Variants in NPHP1 observed in about 807,000 individuals in gnomAD.
The protein encoded by NPHP1 is nephrocystin-1.
In NPHP1, 70 loss-of-function variants were observed where a neutral mutation model predicts 90.4. The ratio of observed to expected loss-of-function variants is 0.77; its 90% CI spans 0.64 to 0.95. The LOEUF (loss-of-function observed/expected upper bound fraction) is 0.95. Ranked by LOEUF, NPHP1 falls within the 40% of genes least tolerant of loss-of-function variation. NPHP1 has a pLI of 0.00. For missense variants in NPHP1, 764 were observed against 795.9 expected (o/e 0.96, Z 0.48); for synonymous variants, 256 against 271.7 (o/e 0.94, Z 0.57).
At chr2:110,189,207 T>C (rs905388889) in intron 2 of NPHP1, among the ~76,000 whole-genome samples, 2 of 152,082 alleles carry the variant, frequency 1.3e-5, no homozygotes, top group African/African-American at 4.8e-5. Flanking sequence ...GTGTCCAGAA[T>C]TGGTGGGTTC....
intron 11 of NPHP1, 64 bp from the exon 12 acceptor site, chr2:110,150,320 G>T: frequency 6.8e-7 from 1 of 1,461,126 alleles, no homozygotes; most frequent in Non-Finnish European, 9.6e-7. Flanking sequence ...CCATTTCCAT[G>T]TCCCAAAGAG....
At chr2:110,138,028 A>C (rs1680339598) in intron 16 of NPHP1, among the ~76,000 whole-genome samples, 1 of 151,960 alleles carries the variant, frequency 6.6e-6, no homozygotes, top group East Asian at 1.9e-4. Context: ...CTTTGTAGGG[A>C]CATGGATGAA....
chr2:110,127,329 C>T (rs1679441198), intron 18 of NPHP1: 1 of 152,068 alleles, frequency 6.6e-6, no homozygotes, highest in African/African-American at 2.4e-5. Context: ...CTGTGCTAAC[C>T]ACCACAGCAC....
In NPHP1 at chr2:110,161,622, C is replaced by A; in HGVS notation, c.935G>T (p.Trp312Leu). The change falls in exon 10 of 20, where the codon TGG becomes TTG. Residue 312 changes from tryptophan to leucine, a missense_variant. Transcript: ENST00000445609. Reference protein sequence around the residue: ...PSQLAFRDLMWDATEGTIRSR... With the variant: ...PSQLAFRDLMLDATEGTIRSR... ...ACTTACAGTGCCTTCTGTAGCATCC[C>A]ACATCAGATCTCTGAAGGCCAGTTG... 3.1e-6 allele frequency: 5 copies of A among 1,610,066 alleles called. No homozygotes were observed. The highest frequency in any genetic ancestry group is 4.2e-6 in the Non-Finnish European group (5 of 1,176,548).
intron 2 of NPHP1, among the ~76,000 whole-genome samples, chr2:110,182,433 CCT>C (rs1683970244): frequency 1.3e-5 from 2 of 151,856 alleles, no homozygotes; most frequent in Admixed American, 1.3e-4. Flanking sequence ...TAACAGCATA[CCT>C]CTCAGTGGAA....
chr2:110,130,840 C>T (rs1679724301), intron 17 of NPHP1, among the ~76,000 whole-genome samples: 1 of 152,170 alleles, frequency 6.6e-6, no homozygotes, highest in South Asian at 2.1e-4. Flanking sequence ...TTTCCTTACC[C>T]TACACATTAA....
intron 1 of NPHP1, among the ~76,000 whole-genome samples, chr2:110,204,446 G>C (rs143838238): frequency 4.2e-4 from 64 of 152,036 alleles, no homozygotes; most frequent in Admixed American, 7.8e-4. Context: ...CACCTATTTC[G>C]CTTGAGTTCA....
rs935956138 is a variant in NPHP1, at chr2:110,167,285, T to C, written c.624+1167A>G. Among the ~76,000 whole-genome samples the C allele has an allele frequency of 2.6e-5, 4 of 151,990 alleles. No individual in the cohort carries two copies. The South Asian group carries it at 8.3e-4, about 32-fold the overall frequency. ...AATTCTAGGTGGGCACCTAAACAGC[T>C]TCAGGAAGGGGACAGGTTACCAGAA... On this transcript the variant is annotated intron_variant, in intron 6 of 19. Transcript: ENST00000445609.
intron 19 of NPHP1, chr2:110,125,158 C>T: frequency 1.3e-6 from 2 of 1,516,128 alleles, no homozygotes; most frequent in South Asian, 1.3e-5. Flanking sequence ...TTTGCCAAAT[C>T]CTGGATGAGA....
At chr2:110,172,430 A>C (rs1330861598) in intron 4 of NPHP1, among the ~76,000 whole-genome samples, 1 of 151,842 alleles carries the variant, frequency 6.6e-6, no homozygotes, top group African/African-American at 2.4e-5. Flanking sequence ...CTGGCCCCTA[A>C]AGTTGGATGT....
At position 110,137,899 on chromosome 2, in the gene NPHP1, A is replaced by C. The variant is rs535317929; in HGVS notation, c.1529+5643T>G. On this transcript the variant is annotated intron_variant, in intron 16 of 19. Transcript: ENST00000445609. ...ACGTATGTTTATTGCGGCACTATTCACAATAGCAAAGACTTGGAACCAACC... is the reference window on the plus strand; with the variant it reads ...ACGTATGTTTATTGCGGCACTATTCCCAATAGCAAAGACTTGGAACCAACC... 1.8e-4 allele frequency among the ~76,000 whole-genome samples: 27 copies of C among 151,172 alleles called. No homozygotes were observed. The East Asian group carries it at 5.0e-3, about 28-fold the overall frequency.
intron 2 of NPHP1, among the ~76,000 whole-genome samples, chr2:110,191,533 C>T (rs1360797061): frequency 6.6e-6 from 1 of 152,182 alleles, no homozygotes; most frequent in African/African-American, 2.4e-5. Context: ...GTGGAGCCCA[C>T]CGCAGCTCAA....
In NPHP1 at chr2:110,169,869, G is replaced by A. The variant is rs562594554; in HGVS notation, c.459C>T (p.Thr153=). The A allele has an allele frequency of 7.5e-5, 121 of 1,613,464 alleles. 1 individual carries two copies. The South Asian group carries it at 1.1e-3, about 15-fold the overall frequency. ...CTCCAACAGCGATGTATTCTTCACC[G>A]GTTGACCATTTGTGAGATTCATTTT... The part of the protein sequence containing the change: ...KEENESHKWS[T]GEEYIAVGDF... The change falls in exon 5 of 20, where the codon ACC becomes ACT. Residue 153 remains threonine, a synonymous_variant. Coordinates refer to ENST00000445609, the MANE Select transcript of NPHP1 (RefSeq NM_001128178.3).
At position 110,123,745 on chromosome 2, in the gene NPHP1, G is replaced by C; in HGVS notation, c.*46C>G. ...TCATTTTATTCACGTAATCGTGGAG[G>C]ATCCATCTGATTCCGTGGGAAGCTG... On this transcript the variant is annotated 3_prime_UTR_variant, in exon 20 of 20. Coordinates refer to ENST00000445609, the MANE Select transcript of NPHP1 (RefSeq NM_001128178.3). The C allele has an allele frequency of 6.3e-7, 1 of 1,589,910 alleles. No homozygotes were observed. Among genetic ancestry groups the C allele is most frequent in the Non-Finnish European group, 8.6e-7 (1 of 1,158,978 alleles).
chr2:110,159,969 T>G (rs1300007577), intron 11 of NPHP1, among the ~76,000 whole-genome samples, 158 bp downstream of exon 11: 3 of 152,132 alleles, frequency 2.0e-5, no homozygotes, highest in Non-Finnish European at 4.4e-5. Context: ...TGTATCTCAT[T>G]TAAAAAATGA....
intron 16 of NPHP1, among the ~76,000 whole-genome samples, chr2:110,143,283 A>G (rs1680781191): frequency 6.6e-6 from 1 of 152,190 alleles, no homozygotes; most frequent in African/African-American, 2.4e-5. Context: ...ATGCATTGGT[A>G]AGCCCCATTT....
At position 110,127,109 on chromosome 2, in the gene NPHP1, C is replaced by T. The variant is rs183824000; in HGVS notation, c.1717-1428G>A. 11 of 152,342 alleles carry T rather than the reference C, an allele frequency of 7.2e-5. No homozygotes were observed. In the East Asian group the frequency reaches 2.1e-3, roughly 29 times the overall value. 9.4% of individuals were successfully genotyped at this position (152,342 alleles called of 1,614,324 possible). A position where few individuals can be genotyped will look rare whatever the true frequency, so the allele number is the denominator to read the frequency against. On this transcript the variant is annotated intron_variant, in intron 18 of 19. Coordinates refer to ENST00000445609, the MANE Select transcript of NPHP1 (RefSeq NM_001128178.3). ...GCCAATGCAATGTGAGCAGAAGTGG[C>T]CCAGGCCCCTTTGAAGCAAAGGCAG...
At position 110,201,312 on chromosome 2, in the gene NPHP1, A is replaced by G. The variant is rs1271046144; in HGVS notation, c.143+109T>C. The G allele has an allele frequency of 8.9e-6, 7 of 787,908 alleles. 1 individual carries two copies. Among genetic ancestry groups the G allele is most frequent in the Non-Finnish European group, 1.5e-5 (7 of 461,346 alleles). The allele number at this position is 787,908 out of a possible 1,614,324, so 48.8% of individuals were successfully genotyped here. ...TCTTCTACATTCAACTTACAACACT[A>G]TGTGATTCTTCCATTTGATTCCAAA... is the stretch of plus-strand genomic sequence containing the variant. On this transcript the variant is annotated intron_variant, in intron 2 of 19. Coordinates refer to ENST00000445609, the MANE Select transcript of NPHP1 (RefSeq NM_001128178.3).
intron 1 of NPHP1, among the ~76,000 whole-genome samples, chr2:110,203,645 C>A (rs562314902): frequency 1.3e-4 from 19 of 151,766 alleles, no homozygotes; most frequent in Admixed American, 1.2e-3. Flanking sequence ...AATCTCTTAC[C>A]GGCCTCAGAT....
Sources: allele counts gnomAD v4.1 joint callset (sites outside exome capture counted in the v4.1 genomes callset), GRCh38; gene constraint gnomAD v4.1.1; transcripts MANE v1.5; gene names NCBI Gene and HGNC (gene_info 2026-07-23, HGNC 2026-07-21).